NSD2: variants seen among roughly 807,000 people sequenced by gnomAD.
The protein encoded by NSD2 is histone-lysine N-methyltransferase NSD2.
A neutral mutation model predicts 139.0 loss-of-function variants in NSD2; 12 were observed. That is an observed-to-expected ratio of 0.09 (90% CI 0.06 to 0.14). The LOEUF is 0.14. Ranked by LOEUF, NSD2 falls within the 10% of genes least tolerant of loss-of-function variation. The probability of loss-of-function intolerance (pLI) is 1.00; values close to 1 mark genes in which losing one functional copy is unlikely to be tolerated. For synonymous variants in NSD2, 669 were observed against 648.7 expected (o/e 1.03, Z -0.48); for missense variants, 1,155 against 1,745.0 (o/e 0.66, Z 6.02).
chr4:1,919,808 T>C (rs979317537), intron 5 of NSD2, among the ~76,000 whole-genome samples: 5 of 151,968 alleles, frequency 3.3e-5, no homozygotes, highest in Non-Finnish European at 5.9e-5. Context: ...TGGTGACGCG[T>C]GCTTGTAATC....
chr4:1,931,790 C>A (rs543826404), intron 6 of NSD2, among the ~76,000 whole-genome samples: 161 of 152,200 alleles, frequency 1.1e-3, no homozygotes, highest in Non-Finnish European at 1.6e-3. Flanking sequence ...TTTAGAATAG[C>A]AAGGATATTT....
At chr4:1,880,471 A>G (rs1370536008) in intron 1 of NSD2, among the ~76,000 whole-genome samples, 2 of 152,116 alleles carry the variant, frequency 1.3e-5, no homozygotes, top group Non-Finnish European at 2.9e-5. Context: ...TTCTTCATTC[A>G]TTGAGTATCA....
intron 16 of NSD2, 149 bp from the exon 17 acceptor site, chr4:1,959,322 G>A (rs1725140853): frequency 6.3e-6 from 5 of 793,926 alleles, no homozygotes; most frequent in Admixed American, 2.8e-5. Context: ...ATCTGGGGAG[G>A]GCTGTTCTGA....
At chr4:1,885,449 C>T (rs1160249225) in intron 1 of NSD2, among the ~76,000 whole-genome samples, 2 of 152,162 alleles carry the variant, frequency 1.3e-5, no homozygotes, top group African/African-American at 4.8e-5. Context: ...GGGCCCTGGT[C>T]ATTCTTGTAA....
At chr4:1,891,441 G>T (rs1715535617) in intron 1 of NSD2, among the ~76,000 whole-genome samples, 1 of 152,176 alleles carries the variant, frequency 6.6e-6, no homozygotes, top group African/African-American at 2.4e-5. Flanking sequence ...TGCTGTCCTA[G>T]GGTTGAGACC....
At chr4:1,894,029 T>A (rs1023522057) in intron 1 of NSD2, 2 of 152,252 alleles carry the variant, frequency 1.3e-5, no homozygotes. Flanking sequence ...TTCTTAGGCT[T>A]AAGTGATCCT....
intron 5 of NSD2, among the ~76,000 whole-genome samples, chr4:1,925,400 T>C (rs1720746810): frequency 1.5e-5 from 2 of 137,268 alleles, no homozygotes; most frequent in Non-Finnish European, 3.1e-5. Flanking sequence ...TTTTTTTTTT[T>C]TTTTTTTTTT....
intron 5 of NSD2, among the ~76,000 whole-genome samples, chr4:1,925,556 A>G (rs11930769): frequency 0.065 from 9,659 of 148,986 alleles, 1,068 homozygotes; most frequent in African/African-American, 0.23. Flanking sequence ...ATGCCACCAC[A>G]TCCGGCTAAT....
chr4:1,898,507 AC>A (rs1463593574), intron 1 of NSD2, among the ~76,000 whole-genome samples: 1 of 152,030 alleles, frequency 6.6e-6, no homozygotes, highest in African/African-American at 2.4e-5. Context: ...TACTAAAAAT[AC>A]AAAAAATTAG....
intron 1 of NSD2, among the ~76,000 whole-genome samples, chr4:1,895,895 C>T (rs545074665): frequency 2.0e-4 from 31 of 152,348 alleles, no homozygotes; most frequent in Non-Finnish European, 3.4e-4. Context: ...GAGGGCCCAG[C>T]CCTGGGCTGG....
rs530757422 is a variant in NSD2, at chr4:1,973,244, C to G, written c.3373-1619C>G. Reference sequence around the variant, plus strand: ...CAGGGTCAAGACATGGCGGGCAACCCACAGATGAAAACTGGCCCGATAAGA... The same window carrying G: ...CAGGGTCAAGACATGGCGGGCAACCGACAGATGAAAACTGGCCCGATAAGA... On this transcript the variant is annotated intron_variant, in intron 18 of 21. Transcript: ENST00000508803. This position sits in a 1 kb window ranked among gnomAD's most constrained non-coding sequence, Gnocchi z 5.5. Among the ~76,000 whole-genome samples the G allele has an allele frequency of 4.6e-5, 7 of 152,314 alleles. No homozygotes were observed. Among genetic ancestry groups the G allele is most frequent in the Admixed American group, 2.0e-4 (3 of 15,306 alleles).
chr4:1,951,287 CCCTTCCCA>C, intron 10 of NSD2, 84 bp downstream of exon 10: 2 of 1,568,166 alleles, frequency 1.3e-6, no homozygotes, highest in Middle Eastern at 4.3e-4. Context: ...AGTGTCTTTT[CCCTTCCCA>C]CCAGACCCCT....
intron 9 of NSD2, 50 bp from the exon 10 acceptor site, chr4:1,951,022 C>A: frequency 1.9e-6 from 3 of 1,605,114 alleles, no homozygotes; most frequent in Non-Finnish European, 2.6e-6. Flanking sequence ...GCATGGCCAC[C>A]CGCTGTGTTC....
At chr4:1,951,614 G>A (rs747629318) in intron 10 of NSD2, among the ~76,000 whole-genome samples, 3 of 152,012 alleles carry the variant, frequency 2.0e-5, no homozygotes, top group Non-Finnish European at 4.4e-5. Context: ...GGGCTGAGGG[G>A]GCCATCACTA....
rs1415354278 is a variant in NSD2, at chr4:1,959,503, C to T, written c.3018C>T (p.Tyr1006=). 1.9e-6 allele frequency: 3 copies of T among 1,614,212 alleles called. No individual in the cohort carries two copies. Among genetic ancestry groups the T allele is most frequent in the Non-Finnish European group, 2.5e-6 (3 of 1,180,036 alleles). Residue 1006 remains tyrosine (Y), a synonymous_variant, in exon 17 of 22, where the codon TAC becomes TAT. Transcript: ENST00000508803. ...AGCCTTACGGGAAAGTCCAGATCTA[C>T]ACAGCGGATATTTCAGAAATCCCTA... The part of the protein sequence containing the change: ...VNKPYGKVQI[Y]TADISEIPKC...
rs148014395 is a variant in NSD2, at chr4:1,926,829, T to G, written c.1411-3797T>G. On this transcript the variant is annotated intron_variant, in intron 5 of 21. Coordinates refer to ENST00000508803, the MANE Select transcript of NSD2 (RefSeq NM_001042424.3). ...CCTGATCCTAATTTTTACACATCCA[T>G]TAGATTGGAACCAGTGCTTTATGTC... is the stretch of plus-strand genomic sequence containing the variant. Among the ~76,000 whole-genome samples the G allele has an allele frequency of 5.3e-4, 80 of 152,300 alleles. 1 individual carries two copies. The highest frequency in any genetic ancestry group is 1.8e-3 in the African/African-American group (76 of 41,566).
intron 4 of NSD2, 135 bp from the exon 5 acceptor site, chr4:1,918,006 C>T: frequency 9.3e-7 from 1 of 1,078,362 alleles, no homozygotes; most frequent in Non-Finnish European, 1.3e-6. Context: ...GTCTTAAACT[C>T]CTGGCCTCAA....
At chr4:1,888,203 A>T (rs1429490536) in intron 1 of NSD2, among the ~76,000 whole-genome samples, 1 of 152,118 alleles carries the variant, frequency 6.6e-6, no homozygotes. Context: ...ACCTGAGGTC[A>T]GGAGTTCGAG....
At chr4:1,872,213 TG>T (rs1261960077) in intron 1 of NSD2, among the ~76,000 whole-genome samples, 3 of 151,938 alleles carry the variant, frequency 2.0e-5, no homozygotes, top group Admixed American at 1.3e-4. Flanking sequence ...GAGCCGGGTG[TG>T]GGTACCCTGC....
Sources: gnomAD v4.1 joint callset for allele counts (sites outside exome capture counted in the v4.1 genomes callset) on GRCh38, gnomAD v4.1.1 for gene constraint, Gnocchi (gnomAD v3.1) non-coding constraint, MANE v1.5 for transcripts, NCBI Gene and HGNC (gene_info 2026-07-23, HGNC 2026-07-21) for gene names.